The following RAD51B variants were observed in gnomAD, a reference collection of about 807,000 sequenced individuals.
The protein encoded by RAD51B is RAD51 paralog B, also known as DNA repair protein RAD51 homolog 2.
A neutral mutation model predicts 42.2 loss-of-function variants in RAD51B; 38 were observed. The ratio of observed to expected loss-of-function variants is 0.90; its 90% CI spans 0.70 to 1.18. The LOEUF (loss-of-function observed/expected upper bound fraction) is 1.18. Ranked by LOEUF, RAD51B falls within the 50% of genes most tolerant of loss-of-function variation. The pLI is 0.00. For missense variants in RAD51B, 373 were observed against 400.7 expected (o/e 0.93, Z 0.59); for synonymous variants, 154 against 145.2 (o/e 1.06, Z -0.43).
At position 68,488,750 on chromosome 14, in the gene RAD51B, G is replaced by T. The variant is rs147527010; in HGVS notation, c.1036+20500G>T. Among the ~76,000 whole-genome samples, 313 of 152,260 alleles carry T rather than the reference G, an allele frequency of 2.1e-3. 1 individual carries two copies. Among genetic ancestry groups the T allele is most frequent in the African/African-American group, 7.2e-3 (299 of 41,524 alleles). ...GTTGAGCCCATCTCTCTCCAAGGCT[G>T]CAAAACCCCATTGCAGTGTTCCTTC... On this transcript the variant is annotated intron_variant, in intron 10 of 10. Transcript: ENST00000487270.
At chr14:67,958,257 G>T (rs1269978512) in intron 7 of RAD51B, among the ~76,000 whole-genome samples, 2 of 152,198 alleles carry the variant, frequency 1.3e-5, no homozygotes, top group Non-Finnish European at 1.5e-5. Flanking sequence ...TGATGATGGT[G>T]ATGATTTTCT....
At chr14:67,876,622 A>G (rs1172840826) in intron 5 of RAD51B, among the ~76,000 whole-genome samples, 1 of 152,172 alleles carries the variant, frequency 6.6e-6, no homozygotes, top group African/African-American at 2.4e-5. Flanking sequence ...GTGGCCTAGA[A>G]CTTCTTTTTC....
chr14:68,176,876 G>C (rs1201073134), intron 7 of RAD51B, among the ~76,000 whole-genome samples: 1 of 152,146 alleles, frequency 6.6e-6, no homozygotes, highest in Non-Finnish European at 1.5e-5. Context: ...AGCAGCAAGA[G>C]TATGTATTTC....
At chr14:68,650,827 A>G in exon 11 of RAD51B, 1 of 760,882 alleles carries the variant, frequency 1.3e-6, no homozygotes, top group Non-Finnish European at 2.4e-6. Flanking sequence ...AGAACAGACT[A>G]AAAGAAAATG....
At chr14:67,998,389 A>G (rs2075423136) in intron 7 of RAD51B, among the ~76,000 whole-genome samples, 1 of 152,224 alleles carries the variant, frequency 6.6e-6, no homozygotes, top group Non-Finnish European at 1.5e-5. Context: ...GATTCAGCCA[A>G]TAACTGTTTG....
intron 10 of RAD51B, among the ~76,000 whole-genome samples, chr14:68,570,903 A>ATG (rs1889670311): frequency 1.3e-5 from 2 of 149,982 alleles, no homozygotes; most frequent in Non-Finnish European, 1.5e-5. Context: ...ACACATGCAC[A>ATG]CACACACACA....
intron 7 of RAD51B, among the ~76,000 whole-genome samples, chr14:67,937,887 G>A (rs1426069379): frequency 6.6e-6 from 1 of 152,140 alleles, no homozygotes; most frequent in East Asian, 1.9e-4. Context: ...ACAGGCACAG[G>A]TAAGTAACTT....
intron 7 of RAD51B, among the ~76,000 whole-genome samples, chr14:68,137,648 A>G (rs1378927615): frequency 4.6e-5 from 7 of 152,142 alleles, no homozygotes; most frequent in African/African-American, 9.7e-5. Context: ...TACTTGTTCA[A>G]TTTTATTCAT....
chr14:68,055,552 A>G (rs1318061461), intron 7 of RAD51B, among the ~76,000 whole-genome samples: 1 of 152,186 alleles, frequency 6.6e-6, no homozygotes, highest in African/African-American at 2.4e-5. Context: ...TTTAATATAT[A>G]TCTTAATTTT....
intron 8 of RAD51B, among the ~76,000 whole-genome samples, chr14:68,367,249 C>A (rs780258124): frequency 6.6e-6 from 1 of 152,120 alleles, no homozygotes; most frequent in African/African-American, 2.4e-5. Flanking sequence ...AAGATGATGA[C>A]AGTGATATGT....
chr14:67,973,691 C>G (rs2074939450), intron 7 of RAD51B, among the ~76,000 whole-genome samples: 2 of 152,104 alleles, frequency 1.3e-5, no homozygotes. Context: ...TGCCCACAAA[C>G]ATTTTCAATG....
chr14:67,935,872 G>C (rs1383212441), intron 7 of RAD51B, among the ~76,000 whole-genome samples: 1 of 152,024 alleles, frequency 6.6e-6, no homozygotes, highest in Non-Finnish European at 1.5e-5. Flanking sequence ...GTAAAAGGTG[G>C]GCAGAGAGGG....
At chr14:68,174,716 T>C (rs952103727) in intron 7 of RAD51B, among the ~76,000 whole-genome samples, 3 of 152,178 alleles carry the variant, frequency 2.0e-5, no homozygotes, top group Non-Finnish European at 2.9e-5. Flanking sequence ...ACTCCCTTAC[T>C]CACTTCAAGC....
chr14:68,038,490 C>A (rs2076168238), intron 7 of RAD51B, among the ~76,000 whole-genome samples: 1 of 151,842 alleles, frequency 6.6e-6, no homozygotes. Context: ...TTTTGTAAAG[C>A]CTGAAGGGCA....
At chr14:68,160,563 T>A (rs1566692999) in intron 7 of RAD51B, among the ~76,000 whole-genome samples, 1 of 152,234 alleles carries the variant, frequency 6.6e-6, no homozygotes, top group East Asian at 1.9e-4. Flanking sequence ...TATTTAAAAT[T>A]CTGATATTTT....
chr14:68,090,694 T>C lies in RAD51B; in HGVS notation c.757-201190T>C, dbSNP rs180976267. Among the ~76,000 whole-genome samples the C allele has an allele frequency of 8.5e-3, 1,250 of 147,700 alleles. 20 individuals carry two copies. The highest frequency in any genetic ancestry group is 0.029 in the African/African-American group (1,202 of 40,962). On this transcript the variant is annotated intron_variant, in intron 7 of 10. Transcript: ENST00000471583. ...TATGATTTTATTTATTTTATTTATT[T>C]ATTTATTATTATTATTATTATTATA...
At chr14:67,937,766 C>G (rs1214173222) in intron 7 of RAD51B, among the ~76,000 whole-genome samples, 1 of 151,934 alleles carries the variant, frequency 6.6e-6, no homozygotes, top group Non-Finnish European at 1.5e-5. Context: ...CTTCTTCAGC[C>G]CCTTACCACA....
intron 7 of RAD51B, among the ~76,000 whole-genome samples, chr14:68,218,080 C>T (rs1420840711): frequency 6.6e-6 from 1 of 152,100 alleles, no homozygotes; most frequent in African/African-American, 2.4e-5. Context: ...TGTCATACAA[C>T]ACTGAAAACA....
intron 9 of RAD51B, among the ~76,000 whole-genome samples, chr14:68,441,317 T>G (rs71425362): frequency 6.7e-6 from 1 of 149,036 alleles, no homozygotes; most frequent in African/African-American, 2.5e-5. Context: ...CCGAGGTGGG[T>G]GGATCACGAG....
Sources: gnomAD v4.1 joint callset for allele counts (sites outside exome capture counted in the v4.1 genomes callset) on GRCh38, gnomAD v4.1.1 for gene constraint, MANE v1.5 for transcripts, NCBI Gene and HGNC (gene_info 2026-07-23, HGNC 2026-07-21) for gene names.